SLC25A26: variants seen among roughly 807,000 people sequenced by gnomAD.
The protein encoded by SLC25A26 is solute carrier family 25 member 26, also known as mitochondrial S-adenosylmethionine carrier protein.
A neutral mutation model predicts 37.8 loss-of-function variants in SLC25A26; 36 were observed. The observed-to-expected ratio is 0.95, with a 90% CI of 0.73 to 1.26. The LOEUF is 1.26. Among genes scored for constraint, SLC25A26 ranks in the 50% most tolerant of loss-of-function variants. The pLI is 0.00. For missense variants in SLC25A26, 390 were observed against 331.1 expected, an observed-to-expected ratio of 1.18 and a Z score of -1.38; for synonymous variants, 129 against 122.5, an observed-to-expected ratio of 1.05 and a Z score of -0.35.
At chr3:66,311,209 A>T (rs1320478256) in intron 5 of SLC25A26, among the ~76,000 whole-genome samples, 1 of 151,102 alleles carries the variant, frequency 6.6e-6, no homozygotes, top group Non-Finnish European at 1.5e-5. Context: ...ATTTTTTCTC[A>T]TCTTGTCGTC....
At chr3:66,290,467 A>G (rs920308568) in intron 5 of SLC25A26, among the ~76,000 whole-genome samples, 1 of 152,104 alleles carries the variant, frequency 6.6e-6, no homozygotes, top group South Asian at 2.1e-4. Context: ...TAAACAGCTC[A>G]TAATATTTTG....
intron 5 of SLC25A26, among the ~76,000 whole-genome samples, chr3:66,322,765 A>T (rs909735544): frequency 6.6e-6 from 1 of 152,226 alleles, no homozygotes; most frequent in Non-Finnish European, 1.5e-5. Flanking sequence ...GTGGTAAATT[A>T]TCAGTTGCTA....
At chr3:66,248,069 C>G (rs553063856) in intron 3 of SLC25A26, among the ~76,000 whole-genome samples, 1 of 152,294 alleles carries the variant, frequency 6.6e-6, no homozygotes, top group South Asian at 2.1e-4. Flanking sequence ...TGGTTAGAAA[C>G]AATAACATAT....
At chr3:66,340,918 G>A (rs2107715325) in intron 5 of SLC25A26, among the ~76,000 whole-genome samples, 1 of 151,694 alleles carries the variant, frequency 6.6e-6, no homozygotes, top group Admixed American at 6.6e-5. Context: ...TTTATTTGCT[G>A]CTACTATTTA....
At chr3:66,154,211 C>T (rs2070246742) in intron 1 of SLC25A26, among the ~76,000 whole-genome samples, 1 of 152,100 alleles carries the variant, frequency 6.6e-6, no homozygotes, top group African/African-American at 2.4e-5. Context: ...CTGCGAGACC[C>T]CGGGCATTTA....
chr3:66,147,172 T>G (rs2070131661), intron 1 of SLC25A26, among the ~76,000 whole-genome samples: 1 of 144,628 alleles, frequency 6.9e-6, no homozygotes, highest in Non-Finnish European at 1.5e-5. Context: ...TTTTCTCTTT[T>G]CTTTTTTTCA....
At chr3:66,374,439 G>T (rs964673393) in intron 9 of SLC25A26, among the ~76,000 whole-genome samples, 1 of 152,174 alleles carries the variant, frequency 6.6e-6, no homozygotes, top group Non-Finnish European at 1.5e-5. Flanking sequence ...TGTGGTGTGG[G>T]TTCGGGCTGT....
chr3:66,278,230 G>A (rs116518034), intron 5 of SLC25A26, among the ~76,000 whole-genome samples: 251 of 152,160 alleles, frequency 1.6e-3, no homozygotes, highest in Non-Finnish European at 2.6e-3. Context: ...GCCACATTTG[G>A]ACATTGTATG....
At chr3:66,318,108 T>C (rs1241551302) in intron 5 of SLC25A26, among the ~76,000 whole-genome samples, 3 of 152,156 alleles carry the variant, frequency 2.0e-5, no homozygotes, top group African/African-American at 7.2e-5. Context: ...TGGGGTTCTG[T>C]GGGAATGAGG....
chr3:66,166,916 G>A (rs1255107928), intron 1 of SLC25A26, among the ~76,000 whole-genome samples: 1 of 152,108 alleles, frequency 6.6e-6, no homozygotes, highest in Non-Finnish European at 1.5e-5. Flanking sequence ...GAATCATGGG[G>A]GCGGGTATTT....
intron 5 of SLC25A26, among the ~76,000 whole-genome samples, chr3:66,319,861 C>T (rs989039776): frequency 1.4e-5 from 2 of 138,822 alleles, no homozygotes; most frequent in Non-Finnish European, 3.0e-5. Flanking sequence ...TCAAACGATT[C>T]TCCTGCCTCA....
intron 3 of SLC25A26, among the ~76,000 whole-genome samples, chr3:66,245,350 C>G (rs1360027620): frequency 6.6e-6 from 1 of 151,694 alleles, no homozygotes; most frequent in Non-Finnish European, 1.5e-5. Flanking sequence ...TATCTTTCTC[C>G]CTACCCCTTC....
rs75117906 is a variant in SLC25A26, at chr3:66,376,246, C to T, written c.708-1444C>T. ...TGAACACTGTTGAAATTACAATAAA[C>T]GATTTAGAATATTTCATCAATTTAG... On this transcript the variant is annotated intron_variant, in intron 9 of 9. Coordinates refer to ENST00000354883, the MANE Select transcript of SLC25A26 (RefSeq NM_001379210.1). Among the ~76,000 whole-genome samples, 6 of 151,942 alleles carry T rather than the reference C, an allele frequency of 3.9e-5. No individual in the cohort carries two copies. The East Asian group carries it at 9.6e-4, about 24-fold the overall frequency.
At chr3:66,366,351 G>A (rs1279195704) in intron 7 of SLC25A26, among the ~76,000 whole-genome samples, 1 of 152,056 alleles carries the variant, frequency 6.6e-6, no homozygotes, top group Non-Finnish European at 1.5e-5. Context: ...GCCCTTCCCC[G>A]TTATGACCAT....
chr3:66,323,185 G>C (rs1235408900), intron 5 of SLC25A26, among the ~76,000 whole-genome samples: 5 of 152,066 alleles, frequency 3.3e-5, no homozygotes, highest in Non-Finnish European at 7.4e-5. Flanking sequence ...GATTGGGTGG[G>C]GCAATGGAAG....
chr3:66,215,066 A>C (rs1273188245), intron 1 of SLC25A26, among the ~76,000 whole-genome samples: 1 of 152,220 alleles, frequency 6.6e-6, no homozygotes, highest in Non-Finnish European at 1.5e-5. Flanking sequence ...CAGAGGTTGC[A>C]GTGAGCCTAG....
chr3:66,183,814 C>T (rs1023660020), intron 1 of SLC25A26, among the ~76,000 whole-genome samples: 2 of 151,998 alleles, frequency 1.3e-5, no homozygotes, highest in Non-Finnish European at 2.9e-5. Flanking sequence ...TGGCTCTTAC[C>T]CTGATTCTAC....
At chr3:66,174,550 G>T (rs1356433909) in intron 1 of SLC25A26, among the ~76,000 whole-genome samples, 1 of 152,210 alleles carries the variant, frequency 6.6e-6, no homozygotes, top group East Asian at 1.9e-4. Flanking sequence ...GGAGGCCGAG[G>T]TGGGCGGATC....
intron 6 of SLC25A26, among the ~76,000 whole-genome samples, chr3:66,347,051 A>G (rs2076343033): frequency 6.6e-6 from 1 of 152,198 alleles, no homozygotes; most frequent in Admixed American, 6.5e-5. Flanking sequence ...ACCATTAAGG[A>G]CATGGACATG....
Sources: gnomAD v4.1 joint callset for allele counts (sites outside exome capture counted in the v4.1 genomes callset) on GRCh38, gnomAD v4.1.1 for gene constraint, MANE v1.5 for transcripts, NCBI Gene and HGNC (gene_info 2026-07-23, HGNC 2026-07-21) for gene names.